The following SFRP1 variants were observed in gnomAD, a reference collection of about 807,000 sequenced individuals.
The protein encoded by SFRP1 is secreted frizzled related protein 1.
A neutral mutation model predicts 25.9 loss-of-function variants in SFRP1; 9 were observed. That is an observed-to-expected ratio of 0.35 (90% confidence interval 0.21 to 0.61). The LOEUF is 0.61. Among genes scored for constraint, SFRP1 ranks in the 20% least tolerant of loss-of-function variants. The pLI, the probability that SFRP1 is intolerant of heterozygous loss-of-function variation, is 0.78. For synonymous variants in SFRP1, 178 were observed against 174.0 expected (o/e 1.02, Z -0.18); for missense variants, 346 against 418.2 (o/e 0.83, Z 1.51).
At chr8:41,275,526 A>G (rs1238663581) in intron 2 of SFRP1, among the ~76,000 whole-genome samples, 1 of 151,178 alleles carries the variant, frequency 6.6e-6, no homozygotes, top group Admixed American at 6.6e-5. Flanking sequence ...TTTTTTAGAC[A>G]GAGTTTTGCT....
At chr8:41,273,810 G>T (rs1447694051) in intron 2 of SFRP1, among the ~76,000 whole-genome samples, 7 of 152,166 alleles carry the variant, frequency 4.6e-5, no homozygotes, top group South Asian at 2.1e-4. Context: ...GTCCAAGAGG[G>T]TGTTTCAGAG....
intron 2 of SFRP1, among the ~76,000 whole-genome samples, chr8:41,276,140 C>G (rs980893702): frequency 6.6e-6 from 1 of 152,138 alleles, no homozygotes. Flanking sequence ...CTGCTCCACC[C>G]CTCCTACCCC....
chr8:41,309,132 G>T lies in SFRP1; in HGVS notation c.28C>A (p.Arg10Ser). The change falls in exon 1 of 3, where the codon CGC becomes AGC. Residue 10 changes from arginine to serine, a missense_variant. Arg to Ser is a moderately radical substitution (Grantham distance 110). Coordinates refer to ENST00000220772, the MANE Select transcript of SFRP1 (RefSeq NM_003012.5). Reference sequence around the variant, plus strand: ...AGCACGCCCAGGGCTGCCCCGCGGCGGCCCCCCTCGCTGCGCCCGATGCCC... The same window carrying T: ...AGCACGCCCAGGGCTGCCCCGCGGCTGCCCCCCTCGCTGCGCCCGATGCCC... MGIGRSEGG[R>S]RGAALGVLLA... The T allele has an allele frequency of 2.1e-6, 3 of 1,441,354 alleles. No homozygotes were observed. The highest frequency in any genetic ancestry group is 2.7e-6 in the Non-Finnish European group (3 of 1,112,366). The allele number at this position is 1,441,354 out of a possible 1,614,324, so 89.3% of individuals were successfully genotyped here.
At chr8:41,275,267 T>C (rs769845620) in intron 2 of SFRP1, 8 of 421,994 alleles carry the variant, frequency 1.9e-5, no homozygotes, top group African/African-American at 1.1e-4. Context: ...AGGGGATGAA[T>C]GGGGGCCTAG....
chr8:41,288,530 CAAAAAAAAAAAAAAAAAAAAAAAAA>C lies in SFRP1; in HGVS notation c.622+14906_622+14930del, dbSNP rs397893046. Among the ~76,000 whole-genome samples, 87 of 39,114 alleles carry C rather than the reference CAAAAAAAAAAAAAAAAAAAAAAAAA, an allele frequency of 2.2e-3. 1 individual carries two copies. The highest frequency in any genetic ancestry group is 3.1e-3 in the Non-Finnish European group (66 of 21,198). 25.7% of individuals were successfully genotyped at this position (39,114 alleles called of 152,430 possible). On this transcript the variant is annotated intron_variant, in intron 2 of 2. Transcript: ENST00000220772. ...CCAGCCTGGGCAAAGAGACCCTGTCCAAAAAAAAAAAAAAAAAAAAAAAAAAAAAAAAAAAAAACTGCAATGCACT... is the reference window on the plus strand; with the variant it reads ...CCAGCCTGGGCAAAGAGACCCTGTCCAAAAAAAAAAAAACTGCAATGCACT...
intron 2 of SFRP1, among the ~76,000 whole-genome samples, chr8:41,285,142 C>T (rs147532551): frequency 0.013 from 2,005 of 152,294 alleles, 21 homozygotes; most frequent in Admixed American, 0.023. Context: ...CATATAGATG[C>T]ACAGAATGTT....
At chr8:41,307,123 G>A in intron 1 of SFRP1, 1 of 918,806 alleles carries the variant, frequency 1.1e-6, no homozygotes, top group Non-Finnish European at 1.5e-6. Flanking sequence ...ATTCCCGCAG[G>A]CTGCAGGGGA....
chr8:41,295,753 T>C (rs1468778655), intron 2 of SFRP1, among the ~76,000 whole-genome samples: 1 of 151,626 alleles, frequency 6.6e-6, no homozygotes, highest in Non-Finnish European at 1.5e-5. Flanking sequence ...CATTTTTTTT[T>C]TTTTGCCACT....
intron 2 of SFRP1, among the ~76,000 whole-genome samples, chr8:41,265,956 A>G (rs1461692445): frequency 6.6e-6 from 1 of 152,166 alleles, no homozygotes; most frequent in Non-Finnish European, 1.5e-5. Context: ...CTCTGAGGTC[A>G]GGAGTTCGAG....
intron 2 of SFRP1, among the ~76,000 whole-genome samples, chr8:41,295,948 T>C (rs759243795): frequency 6.6e-6 from 1 of 152,198 alleles, no homozygotes. Flanking sequence ...ACCAACTATT[T>C]GTGGGATGCG....
intron 2 of SFRP1, among the ~76,000 whole-genome samples, chr8:41,290,886 CTTTTTTTTTTTTTTTT>C (rs561965318): frequency 0.029 from 1,588 of 53,900 alleles, 103 homozygotes; most frequent in South Asian, 0.054. Context: ...TCTTCCTCGT[CTTTTTTTTTTTTTTTT>C]TTTTTTTTTT....
intron 2 of SFRP1, among the ~76,000 whole-genome samples, chr8:41,300,561 C>T (rs1803902839): frequency 1.3e-5 from 2 of 152,132 alleles, no homozygotes; most frequent in African/African-American, 4.8e-5. Flanking sequence ...GAGAAAGTGG[C>T]CAGAGGCAGG....
At chr8:41,287,865 G>A (rs1026077793) in intron 2 of SFRP1, among the ~76,000 whole-genome samples, 1 of 152,202 alleles carries the variant, frequency 6.6e-6, no homozygotes, top group African/African-American at 2.4e-5. Context: ...TAAACAGGAA[G>A]CCCTTCCAGG....
chr8:41,267,386 G>A (rs7831699), intron 2 of SFRP1, among the ~76,000 whole-genome samples: 4,212 of 152,234 alleles, frequency 0.028, 185 homozygotes, highest in African/African-American at 0.094. Flanking sequence ...AGTGTCGCGG[G>A]TACAATCAAC....
intron 2 of SFRP1, among the ~76,000 whole-genome samples, chr8:41,266,912 A>G (rs1348838626): frequency 6.6e-6 from 1 of 152,226 alleles, no homozygotes; most frequent in Non-Finnish European, 1.5e-5. Context: ...ATTAAACATC[A>G]ACGTCCAACC....
At chr8:41,307,213 A>G (rs556684576) in intron 1 of SFRP1, among the ~76,000 whole-genome samples, 1 of 152,202 alleles carries the variant, frequency 6.6e-6, no homozygotes, top group Non-Finnish European at 1.5e-5. Flanking sequence ...GTGCAGATGC[A>G]TCCGCTACCC....
chr8:41,305,170 GA>G (rs1225791357), intron 1 of SFRP1, among the ~76,000 whole-genome samples: 21 of 152,286 alleles, frequency 1.4e-4, no homozygotes, highest in Non-Finnish European at 2.6e-4. Flanking sequence ...AGGTTATTTT[GA>G]AAAAGGAAAA....
At chr8:41,296,302 G>A (rs1803843071) in intron 2 of SFRP1, among the ~76,000 whole-genome samples, 2 of 152,152 alleles carry the variant, frequency 1.3e-5, no homozygotes, top group African/African-American at 4.8e-5. Context: ...GTCTGAACAG[G>A]CCCAGAGTTT....
intron 2 of SFRP1, among the ~76,000 whole-genome samples, chr8:41,290,522 G>T (rs898006137): frequency 2.0e-5 from 3 of 152,220 alleles, no homozygotes; most frequent in Non-Finnish European, 4.4e-5. Context: ...CAGCTCTGCG[G>T]TGACCTAAGT....
Sources: gnomAD v4.1 joint callset for allele counts (sites outside exome capture counted in the v4.1 genomes callset) on GRCh38, gnomAD v4.1.1 for gene constraint, MANE v1.5 for transcripts, NCBI Gene and HGNC (gene_info 2026-07-23, HGNC 2026-07-21) for gene names.